The following RNF144A variants were observed in gnomAD, a reference collection of about 807,000 sequenced individuals.
The protein encoded by RNF144A is ring finger protein 144A, also known as E3 ubiquitin-protein ligase RNF144A.
In RNF144A, 11 loss-of-function variants were observed where a neutral mutation model predicts 38.7. That is an observed-to-expected ratio of 0.28 (90% CI 0.18 to 0.47). The LOEUF is 0.47. RNF144A is among the 20% of genes least tolerant of loss of function. RNF144A has a pLI of 0.99. For missense variants in RNF144A, 316 were observed against 377.2 expected (o/e 0.84, Z 1.34); for synonymous variants, 149 against 143.9 (o/e 1.04, Z -0.25).
chr2:6,996,014 G>A (rs1281618156), intron 2 of RNF144A, among the ~76,000 whole-genome samples: 1 of 152,210 alleles, frequency 6.6e-6, no homozygotes, highest in Non-Finnish European at 1.5e-5. Flanking sequence ...GCTGAGAGTG[G>A]TTAGGGAACT....
intron 2 of RNF144A, among the ~76,000 whole-genome samples, chr2:6,967,026 C>T (rs2103339694): frequency 6.6e-6 from 1 of 152,288 alleles, no homozygotes; most frequent in Non-Finnish European, 1.5e-5. Flanking sequence ...TTTTTACAGC[C>T]ATCGACGCAA....
chr2:7,055,860 T>TCCTCAGAGCAAGTGACTTA (rs1478014347), intron 6 of RNF144A, among the ~76,000 whole-genome samples: 1 of 152,166 alleles, frequency 6.6e-6, no homozygotes, highest in Non-Finnish European at 1.5e-5. Context: ...TCTAGGACTT[T>TCCTCAGAGCAAGTGACTTA]CCTCAGAGCA....
At chr2:6,977,596 A>G (rs1333298570) in intron 2 of RNF144A, among the ~76,000 whole-genome samples, 1 of 152,242 alleles carries the variant, frequency 6.6e-6, no homozygotes, top group African/African-American at 2.4e-5. Context: ...GATCTCTGTT[A>G]CTGGGAAACT....
In RNF144A at chr2:6,942,766, C is replaced by T. The variant is rs371537424; in HGVS notation, c.-12+1619C>T. 5.3e-4 allele frequency among the ~76,000 whole-genome samples: 81 copies of T among 152,218 alleles called. 1 individual carries two copies. The highest frequency in any genetic ancestry group is 1.9e-3 in the African/African-American group (78 of 41,546). ...TGGGAGGCCAAGATGGGTGGATCACCTGAGGTCAGGAGTTTGAGACCAGCC... is the reference window on the plus strand; with the variant it reads ...TGGGAGGCCAAGATGGGTGGATCACTTGAGGTCAGGAGTTTGAGACCAGCC... On this transcript the variant is annotated intron_variant, in intron 2 of 8. Transcript: ENST00000320892.
chr2:6,990,995 A>G (rs929872804), intron 2 of RNF144A, among the ~76,000 whole-genome samples: 3 of 152,104 alleles, frequency 2.0e-5, no homozygotes, highest in African/African-American at 7.2e-5. Context: ...AATTTCTTCC[A>G]TGTCTTTTCT....
At chr2:6,985,753 A>G (rs995797519) in intron 2 of RNF144A, among the ~76,000 whole-genome samples, 1 of 152,166 alleles carries the variant, frequency 6.6e-6, no homozygotes, top group Non-Finnish European at 1.5e-5. Flanking sequence ...GCTCACTGCA[A>G]GCTCCGCCTC....
chr2:7,038,844 G>A (rs922660942), intron 8 of RNF144A, among the ~76,000 whole-genome samples: 4 of 151,620 alleles, frequency 2.6e-5, no homozygotes, highest in Admixed American at 2.0e-4. Context: ...ATAAAGAGAT[G>A]GGTGGGTGAG....
At position 6,959,507 on chromosome 2, in the gene RNF144A, T is replaced by C. The variant is rs1032852664; in HGVS notation, c.-12+18360T>C. The stretch of plus-strand genomic sequence containing the variant: ...CTGGGTGATATAAAGAAAAGAAGTT[T>C]ATTTCTCACAGTCCTGGAGGCTGGG... On this transcript the variant is annotated intron_variant, in intron 2 of 8. Transcript: ENST00000320892. Among the ~76,000 whole-genome samples the C allele has an allele frequency of 3.9e-5, 6 of 152,298 alleles. No homozygotes were observed. The South Asian group carries it at 1.2e-3, about 32-fold the overall frequency.
At chr2:7,075,282 C>G in the RNF144A span, among the ~76,000 whole-genome samples, 1 of 102,352 alleles carries the variant, frequency 9.8e-6, no homozygotes, top group East Asian at 6.9e-4. Flanking sequence ...GCTGGAACAT[C>G]CCCCCCCCCA....
At position 7,043,096 on chromosome 2, in the gene RNF144A, G is replaced by A; in HGVS notation, c.*3336G>A. On this transcript the variant is annotated 3_prime_UTR_variant, in exon 9 of 9. Transcript: ENST00000320892. Reference sequence around the variant, plus strand: ...TTGGCCAGGCTACTCTCAAACTCCTGACCTCAGGTGATCTGCCCACCTCGG... The same window carrying A: ...TTGGCCAGGCTACTCTCAAACTCCTAACCTCAGGTGATCTGCCCACCTCGG... The A allele has an allele frequency of 1.4e-6, 1 of 737,736 alleles. No homozygotes were observed. The highest frequency in any genetic ancestry group is 1.7e-6 in the Non-Finnish European group (1 of 604,230). The allele number at this position is 737,736 out of a possible 1,614,324, so 45.7% of individuals were successfully genotyped here.
intron 6 of RNF144A, among the ~76,000 whole-genome samples, chr2:7,067,154 C>T (rs1674267668): frequency 6.6e-6 from 1 of 152,198 alleles, no homozygotes; most frequent in Non-Finnish European, 1.5e-5. Context: ...TAGCCTTGCT[C>T]ATTGTTTTTG....
At chr2:7,020,908 GGT>G in intron 6 of RNF144A, 2 of 568,790 alleles carry the variant, frequency 3.5e-6, no homozygotes, top group Non-Finnish European at 6.3e-6. Context: ...GAAATAGAAA[GGT>G]GTGTGAGAAC....
chr2:6,924,553 G>A (rs1290188436), intron 1 of RNF144A, among the ~76,000 whole-genome samples: 2 of 152,190 alleles, frequency 1.3e-5, no homozygotes, highest in Non-Finnish European at 2.9e-5. Flanking sequence ...GACCCAGGAC[G>A]GGCAGGGTTT....
At position 6,995,669 on chromosome 2, in the gene RNF144A, C is replaced by T. The variant is rs112105586; in HGVS notation, c.-11-1247C>T. Among the ~76,000 whole-genome samples the T allele has an allele frequency of 4.1e-4, 63 of 152,342 alleles. 1 individual carries two copies. Among genetic ancestry groups the T allele is most frequent in the African/African-American group, 1.5e-3 (61 of 41,582 alleles). ...CAGAGGCCAGAAGATTCAGCCAGTC[C>T]AGTCTTTCCATGTTTTTCTGCCTGC... is the stretch of plus-strand genomic sequence containing the variant. On this transcript the variant is annotated intron_variant, in intron 2 of 8. Coordinates refer to ENST00000320892, the MANE Select transcript of RNF144A (RefSeq NM_014746.6).
chr2:7,009,396 C>T lies in RNF144A; in HGVS notation c.136-5058C>T, dbSNP rs955626211. On this transcript the variant is annotated intron_variant, in intron 3 of 8. Coordinates refer to ENST00000320892, the MANE Select transcript of RNF144A (RefSeq NM_014746.6). ...GCCGATCATGACCTGAAGCAGCTGA[C>T]TGTGAGCCTGCCTGCCTCCTGCACA... Among the ~76,000 whole-genome samples the T allele has an allele frequency of 2.6e-5, 4 of 152,318 alleles. No individual in the cohort carries two copies. In the South Asian group the frequency reaches 8.3e-4, roughly 32 times the overall value.
chr2:7,019,494 C>T lies in RNF144A; in HGVS notation c.302-979C>T, dbSNP rs557144199. ...CGCCTTTCAAGTCGTCTCTGAAACT[C>T]AGTTGTCCTGACTACTTCCCAAGAA... On this transcript the variant is annotated intron_variant, in intron 5 of 8. Coordinates refer to ENST00000320892, the MANE Select transcript of RNF144A (RefSeq NM_014746.6). Among the ~76,000 whole-genome samples the T allele has an allele frequency of 1.5e-3, 222 of 152,302 alleles. 2 individuals are homozygous for T. Among genetic ancestry groups the T allele is most frequent in the Middle Eastern group, 0.01 (3 of 294 alleles).
At chr2:6,970,928 C>G (rs1416626420) in intron 2 of RNF144A, among the ~76,000 whole-genome samples, 1 of 152,214 alleles carries the variant, frequency 6.6e-6, no homozygotes, top group Non-Finnish European at 1.5e-5. Context: ...ATTTAGTGCA[C>G]AAAGTCATGT....
At chr2:6,924,117 C>A (rs1319482622) in intron 1 of RNF144A, among the ~76,000 whole-genome samples, 1 of 152,200 alleles carries the variant, frequency 6.6e-6, no homozygotes, top group Non-Finnish European at 1.5e-5. Flanking sequence ...GGTCACAGAA[C>A]AATACACCTT....
At chr2:6,978,947 A>G (rs575181711) in intron 2 of RNF144A, 7 of 152,672 alleles carry the variant, frequency 4.6e-5, no homozygotes, top group Non-Finnish European at 7.3e-5. Context: ...AAAGGGTGGC[A>G]TGAAGGGTCC....
Sources: gnomAD v4.1 joint callset for allele counts (sites outside exome capture counted in the v4.1 genomes callset) on GRCh38, gnomAD v4.1.1 for gene constraint, MANE v1.5 for transcripts, NCBI Gene and HGNC (gene_info 2026-07-23, HGNC 2026-07-21) for gene names.